LZTR1: variants seen among roughly 807,000 people sequenced by gnomAD.
The protein encoded by LZTR1 is leucine zipper like post translational regulator 1, also known as leucine-zipper-like transcriptional regulator 1.
Under a neutral mutation model 105.7 loss-of-function variants are expected in LZTR1, and 260 were observed. The ratio of observed to expected loss-of-function variants is 2.46; its 90% CI spans 2.22 to 2.72. The LOEUF (loss-of-function observed/expected upper bound fraction) is 2.72. Among genes scored for constraint, LZTR1 ranks in the 30% most tolerant of loss-of-function variants. The pLI, the probability that LZTR1 is intolerant of heterozygous loss-of-function variation, is 0.00. For synonymous variants in LZTR1, 490 were observed against 476.4 expected (o/e 1.03, Z -0.37); for missense variants, 1,214 against 1,166.9 (o/e 1.04, Z -0.59).
intron 3 of LZTR1, 146 bp from the exon 4 acceptor site, chr22:20,987,358 C>T (rs1239899614): frequency 3.4e-6 from 2 of 588,510 alleles, no homozygotes; most frequent in South Asian, 2.2e-5. Context: ...CACTGCACTC[C>T]AGCCGGGACG....
intron 5 of LZTR1, among the ~76,000 whole-genome samples, chr22:20,988,508 C>T (rs775629205): frequency 3.9e-5 from 6 of 152,180 alleles, no homozygotes; most frequent in African/African-American, 9.7e-5. Context: ...CTGCTGATGG[C>T]GCTTCTGGGG....
chr22:20,985,759 C>A, intron 2 of LZTR1, 82 bp from the exon 3 acceptor site: 1 of 1,341,224 alleles, frequency 7.5e-7, no homozygotes, highest in Non-Finnish European at 1.1e-6. Flanking sequence ...CTACTCTACC[C>A]TGGCTACATG....
intron 16 of LZTR1, chr22:20,995,275 A>C: frequency 5.8e-6 from 4 of 684,542 alleles, no homozygotes; most frequent in East Asian, 2.9e-5. Flanking sequence ...GGGGGTGGAC[A>C]TGGGGCACCT....
At chr22:20,987,914 C>A in intron 4 of LZTR1, 96 bp from the exon 5 acceptor site, 1 of 773,552 alleles carries the variant, frequency 1.3e-6, no homozygotes, top group Non-Finnish European at 2.2e-6. Flanking sequence ...CTGGCTTATG[C>A]ATTTTCAGGG....
At chr22:20,986,483 C>G (rs1481270704) in intron 3 of LZTR1, 1 of 151,964 alleles carries the variant, frequency 6.6e-6, no homozygotes, top group Non-Finnish European at 1.5e-5. Flanking sequence ...GTAGATTAGA[C>G]AGATAGATGA....
intron 8 of LZTR1, 65 bp from the exon 9 acceptor site, chr22:20,991,563 G>A: frequency 1.5e-6 from 2 of 1,304,920 alleles, no homozygotes; most frequent in Non-Finnish European, 1.0e-6. Context: ...GGCCTGCTGT[G>A]GGGAGGCCCC....
rs143128466 is a variant in LZTR1, at chr22:20,991,742, G to A, written c.906G>A (p.Ala302=). The change falls in exon 9 of 21, where the codon GCG becomes GCA. Residue 302 remains alanine, a synonymous_variant. Coordinates refer to ENST00000646124, the MANE Select transcript of LZTR1 (RefSeq NM_006767.4). ...FDRHLYVFGG[A]ADNTLPNELH... Reference sequence around the variant, plus strand: ...GCCACCTCTATGTGTTTGGGGGTGCGGCCGACAACACGCTGCCCAACGAGC... The same window carrying A: ...GCCACCTCTATGTGTTTGGGGGTGCAGCCGACAACACGCTGCCCAACGAGC... 2.0e-4 allele frequency: 308 copies of A among 1,572,018 alleles called. 1 individual carries two copies. The African/African-American group carries it at 2.6e-3, about 13-fold the overall frequency.
Position 20,994,210 on chromosome 22 carries a change from G to A in LZTR1, c.1556G>A (p.Arg519Gln), listed in dbSNP as rs149502567. 1.7e-5 allele frequency: 27 copies of A among 1,601,696 alleles called. No individual in the cohort carries two copies. In the African/African-American group the frequency reaches 1.7e-4, roughly 10 times the overall value. ...GTGGCCATCCGGGAGGCCGAGGCCCGGCCCTTCGAGGTGCTCATGCAGTTC... is the reference window on the plus strand; with the variant it reads ...GTGGCCATCCGGGAGGCCGAGGCCCAGCCCTTCGAGGTGCTCATGCAGTTC... Reference protein sequence around the residue: ...LHVAIREAEARPFEVLMQFLY... With the variant: ...LHVAIREAEAQPFEVLMQFLY... Residue 519 changes from arginine (R) to glutamine (Q), a missense_variant, in exon 14 of 21, where the codon CGG becomes CAG. By Grantham distance (43) the Arg-to-Gln change is conservative. Coordinates refer to ENST00000646124, the MANE Select transcript of LZTR1 (RefSeq NM_006767.4).
intron 2 of LZTR1, 53 bp from the exon 3 acceptor site, chr22:20,985,788 T>G (rs766635170): frequency 1.8e-5 from 27 of 1,541,874 alleles, no homozygotes; most frequent in Non-Finnish European, 2.2e-5. Flanking sequence ...ATCTCTGGGG[T>G]CACTGCAGAG....
rs1924957404 is a variant in LZTR1 at position 20,998,357 on chromosome 22, T to C, written c.*1009T>C. On this transcript the variant is annotated 3_prime_UTR_variant, in exon 21 of 21. Transcript: ENST00000646124. ...GGGCTCCTGCCCCTTCTGCCCTGCC[T>C]TGCCCCTGCACTATGCTCTTGGCTC... 6.6e-6 allele frequency: 1 copy of C among 152,648 alleles called. No homozygotes were observed. 9.5% of individuals were successfully genotyped at this position (152,648 alleles called of 1,614,324 possible).
rs1428700018 is a variant in LZTR1 at position 20,997,507 on chromosome 22, G to C, written c.*159G>C. On this transcript the variant is annotated 3_prime_UTR_variant, in exon 21 of 21. Transcript: ENST00000646124. ...TCCAAAGAGAGCTGAGGGGATGTGG[G>C]GCCCCAAACTCATTAATTCACTGAA... is the stretch of plus-strand genomic sequence containing the variant. 3.3e-6 allele frequency: 2 copies of C among 610,252 alleles called. No individual in the cohort carries two copies. The highest frequency in any genetic ancestry group is 3.7e-5 in the African/African-American group (2 of 54,264). 37.8% of individuals were successfully genotyped at this position (610,252 alleles called of 1,614,324 possible).
At chr22:20,994,449 G>C in intron 14 of LZTR1, 109 bp from the exon 15 acceptor site, 1 of 1,351,734 alleles carries the variant, frequency 7.4e-7, no homozygotes, top group Non-Finnish European at 1.0e-6. Flanking sequence ...CCGAGGCCTT[G>C]TTCCTACCTA....
Position 20,994,241 on chromosome 22 carries a change from C to G in LZTR1, c.1587C>G (p.Tyr529Ter). The G allele has an allele frequency of 6.3e-7, 1 of 1,599,494 alleles. No homozygotes were observed. The highest frequency in any genetic ancestry group is 8.5e-7 in the Non-Finnish European group (1 of 1,179,610). ...TCGAGGTGCTCATGCAGTTCCTCTACACCGACAAGATCAAATACCCACGGA... is the reference window on the plus strand; with the variant it reads ...TCGAGGTGCTCATGCAGTTCCTCTAGACCGACAAGATCAAATACCCACGGA... ...RPFEVLMQFLYTDKIKYPRKG... is the reference protein window; with the variant it reads ...RPFEVLMQFL Residue 529 changes from tyrosine to a stop codon, truncating the protein, a stop_gained, in exon 14 of 21, where the codon TAC (tyrosine) becomes TAG (stop). Transcript: ENST00000646124. LOFTEE classifies it high-confidence loss of function.
chr22:20,997,457 G>C lies in LZTR1; in HGVS notation c.*109G>C. 1 of 873,178 alleles carries C rather than the reference G, an allele frequency of 1.1e-6. No individual in the cohort carries two copies. Among genetic ancestry groups the C allele is most frequent in the Non-Finnish European group, 1.9e-6 (1 of 536,188 alleles). The allele number at this position is 873,178 out of a possible 1,614,324, so 54.1% of individuals were successfully genotyped here. A position where few individuals can be genotyped will look rare whatever the true frequency, so the allele number is the denominator to read the frequency against. On this transcript the variant is annotated 3_prime_UTR_variant, in exon 21 of 21. Coordinates refer to ENST00000646124, the MANE Select transcript of LZTR1 (RefSeq NM_006767.4). The stretch of plus-strand genomic sequence containing the variant: ...CTATGGCAGTGGGTGCACCTGCCAG[G>C]CCAAGGGTCAGGGTGCCCAGAGCCT...
In LZTR1 at chr22:20,992,315, T is replaced by C. The variant is rs2147965531; in HGVS notation, c.1095T>C (p.Phe365=). 1 of 1,613,932 alleles carries C rather than the reference T, an allele frequency of 6.2e-7. No homozygotes were observed. Among genetic ancestry groups the C allele is most frequent in the Non-Finnish European group, 8.5e-7 (1 of 1,179,938 alleles). ...RVGFKKSRDV[F]GLDFGTTSAK... is the part of the protein sequence containing the mutation. ...GCTTCAAGAAGTCCCGAGATGTGTT[T>C]GGCCTGGACTTTGGCACCACCTCAG... is the stretch of plus-strand genomic sequence containing the variant. The change falls in exon 10 of 21, where the codon TTT becomes TTC. Residue 365 remains phenylalanine, a synonymous_variant. Transcript: ENST00000646124.
chr22:20,997,167 C>A, intron 20 of LZTR1, 65 bp from the exon 21 acceptor site: 1 of 1,229,124 alleles, frequency 8.1e-7, no homozygotes, highest in South Asian at 1.2e-5. Context: ...CCACAGGGCT[C>A]CACTGCCCAC....
At chr22:20,996,837 CCACT>C in intron 19 of LZTR1, 36 bp downstream of exon 19, 1 of 1,612,596 alleles carries the variant, frequency 6.2e-7, no homozygotes, top group South Asian at 1.1e-5. Flanking sequence ...GCTGCAGCTC[CCACT>C]GAGTGGGTGA....
intron 16 of LZTR1, 90 bp from the exon 17 acceptor site, chr22:20,995,656 A>G (rs1601722634): frequency 6.6e-7 from 1 of 1,512,648 alleles, no homozygotes; most frequent in Admixed American, 1.7e-5. Flanking sequence ...TCAGGGCAGC[A>G]ACATGGGCAG....
chr22:20,996,290 T>A, intron 18 of LZTR1, 178 bp downstream of exon 18: 2 of 688,756 alleles, frequency 2.9e-6, no homozygotes, highest in Admixed American at 5.8e-5. Flanking sequence ...AGTTGGCAGC[T>A]GGCAAGGAGG....
Sources: gnomAD v4.1 joint callset for allele counts (sites outside exome capture counted in the v4.1 genomes callset) on GRCh38, gnomAD v4.1.1 for gene constraint, MANE v1.5 for transcripts, NCBI Gene and HGNC (gene_info 2026-07-23, HGNC 2026-07-21) for gene names.